BEND4: variants seen among roughly 807,000 people sequenced by gnomAD.
BEND4 encodes the protein BEN domain containing 4.
Under a neutral mutation model 54.7 loss-of-function variants are expected in BEND4, and 27 were observed. The ratio of observed to expected loss-of-function variants is 0.49; its 90% CI spans 0.36 to 0.68. The LOEUF is 0.68. Ranked by LOEUF, BEND4 falls within the 30% of genes least tolerant of loss-of-function variation. The pLI is 0.00. For missense variants in BEND4, 702 were observed against 697.2 expected (o/e 1.01, Z -0.08); for synonymous variants, 327 against 299.5 (o/e 1.09, Z -0.95).
chr4:42,122,494 A>G (rs1356759796), intron 4 of BEND4, among the ~76,000 whole-genome samples: 3 of 152,230 alleles, frequency 2.0e-5, no homozygotes, highest in African/African-American at 7.2e-5. Context: ...TGTGGCTGGC[A>G]CACAGCAGAC....
intron 3 of BEND4, among the ~76,000 whole-genome samples, chr4:42,142,454 T>C (rs1345984482): frequency 8.6e-6 from 1 of 115,616 alleles, no homozygotes; most frequent in Non-Finnish European, 1.6e-5. Context: ...ACCCTATCTC[T>C]ACTAAAAAAA....
At chr4:42,142,048 C>T (rs572361664) in intron 3 of BEND4, among the ~76,000 whole-genome samples, 55 of 151,748 alleles carry the variant, frequency 3.6e-4, no homozygotes, top group African/African-American at 1.2e-3. Context: ...GGACTACAGG[C>T]ACCTGCCACC....
At chr4:42,142,649 A>AG in intron 3 of BEND4, among the ~76,000 whole-genome samples, 1 of 151,526 alleles carries the variant, frequency 6.6e-6, no homozygotes, top group East Asian at 1.9e-4. Flanking sequence ...AAAAAAAAAA[A>AG]AAAAGTAAAA....
At chr4:42,133,387 T>C (rs948912494) in intron 3 of BEND4, among the ~76,000 whole-genome samples, 3 of 152,180 alleles carry the variant, frequency 2.0e-5, no homozygotes, top group Non-Finnish European at 4.4e-5. Flanking sequence ...CTTTAAGACA[T>C]TCTATGGTAA....
rs1206229869 is a variant in BEND4, at chr4:42,151,726, G to T, written c.418C>A (p.Pro140Thr). Residue 140 changes from proline (P) to threonine (T), a missense_variant, in exon 2 of 6, where the codon CCA becomes ACA. Pro to Thr is a conservative substitution (Grantham distance 38). Coordinates refer to ENST00000502486, the MANE Select transcript of BEND4 (RefSeq NM_207406.4). The part of the protein sequence containing the change: ...SSFAAVVRYG[P>T]GAAAAAGTGG... The stretch of plus-strand genomic sequence containing the variant: ...GTGCCGGCGGCCGCCGCCGCGCCTG[G>T]GCCATACCTGACGACAGCGGCGAAC... 2.0e-6 allele frequency: 3 copies of T among 1,505,580 alleles called. No individual in the cohort carries two copies. The Admixed American group carries it at 6.4e-5, about 32-fold the overall frequency. 93.3% of individuals were successfully genotyped at this position (1,505,580 alleles called of 1,614,324 possible).
At chr4:42,149,243 T>A (rs1172568881) in intron 2 of BEND4, among the ~76,000 whole-genome samples, 16 of 115,558 alleles carry the variant, frequency 1.4e-4, no homozygotes, top group Admixed American at 6.7e-4. Context: ...TGTGCACACA[T>A]GCTTATTGGT....
chr4:42,124,873 T>C (rs1207948536), intron 4 of BEND4, among the ~76,000 whole-genome samples: 3 of 149,730 alleles, frequency 2.0e-5, no homozygotes, highest in African/African-American at 7.4e-5. Context: ...CAGGATACTT[T>C]GGGAGCCTGG....
At position 42,117,534 on chromosome 4, in the gene BEND4, T is replaced by G. The variant is rs1243836971; in HGVS notation, c.1589A>C (p.Asp530Ala). 6.2e-7 allele frequency: 1 copy of G among 1,610,392 alleles called. No individual in the cohort carries two copies. The highest frequency in any genetic ancestry group is 8.5e-7 in the Non-Finnish European group (1 of 1,177,954). ...TTCTGTCCACTAATCCCCAGATCCA[T>G]CCTGGGAACTTTTATTGAAGACTTC... ...QDEVFNKSSQ[D>A]GSGD The change falls in exon 6 of 6, where the codon GAT becomes GCT. Residue 530 changes from aspartate to alanine, a missense_variant. Coordinates refer to ENST00000502486, the MANE Select transcript of BEND4 (RefSeq NM_207406.4).
Position 42,152,167 on chromosome 4 carries a change from C to G in BEND4, c.-24G>C, listed in dbSNP as rs1339769920. On this transcript the variant is annotated 5_prime_UTR_variant, in exon 2 of 6. Coordinates refer to ENST00000502486, the MANE Select transcript of BEND4 (RefSeq NM_207406.4). ...ATCCGGCGCCTCGGGGCCGGTCCCT[C>G]GGAGCACGTCCCCTCCCCGCCGGGC... 8.1e-7 allele frequency: 1 copy of G among 1,239,816 alleles called. No individual in the cohort carries two copies. The highest frequency in any genetic ancestry group is 1.6e-5 in the African/African-American group (1 of 63,952). The allele number at this position is 1,239,816 out of a possible 1,614,324, so 76.8% of individuals were successfully genotyped here.
At chr4:42,145,706 A>G (rs1461188837) in intron 2 of BEND4, among the ~76,000 whole-genome samples, 4 of 149,968 alleles carry the variant, frequency 2.7e-5, no homozygotes, top group Non-Finnish European at 5.9e-5. Flanking sequence ...AAAAAAAAAA[A>G]GAATATATAT....
chr4:42,151,776 G>A lies in BEND4; in HGVS notation c.368C>T (p.Ser123Phe), dbSNP rs1560587051. Residue 123 changes from serine (S) to phenylalanine (F), a missense_variant, in exon 2 of 6, where the codon TCC becomes TTC. Physicochemically the swap from Ser to Phe is radical, Grantham distance 155. Transcript: ENST00000502486. ...LRTPAQPPPA[S>F]PAASSSSSFA... is the part of the protein sequence containing the mutation. ...CGAAGACGACGAGGAGGCGGCGGGG[G>A]ACGCGGGCGGCGGCTGCGCCGGAGT... is the stretch of plus-strand genomic sequence containing the variant. 6.7e-7 allele frequency: 1 copy of A among 1,495,378 alleles called. No homozygotes were observed. The highest frequency in any genetic ancestry group is 8.9e-7 in the Non-Finnish European group (1 of 1,129,510). 92.6% of individuals were successfully genotyped at this position (1,495,378 alleles called of 1,614,324 possible).
intron 3 of BEND4, among the ~76,000 whole-genome samples, chr4:42,137,090 T>C (rs1404068991): frequency 6.6e-6 from 1 of 151,980 alleles, no homozygotes; most frequent in African/African-American, 2.4e-5. Context: ...AGATCTGGAG[T>C]CAGAGGCTTG....
chr4:42,137,734 A>G (rs1029398562), intron 3 of BEND4, among the ~76,000 whole-genome samples: 1 of 152,204 alleles, frequency 6.6e-6, no homozygotes, highest in African/African-American at 2.4e-5. Context: ...GTTAATATCT[A>G]AAGAACTCAT....
At chr4:42,133,608 A>G (rs1379091884) in intron 3 of BEND4, among the ~76,000 whole-genome samples, 1 of 152,232 alleles carries the variant, frequency 6.6e-6, no homozygotes, top group Non-Finnish European at 1.5e-5. Flanking sequence ...TAATCCCAGC[A>G]CTTTGGGATG....
At chr4:42,135,552 C>T (rs977292740) in intron 3 of BEND4, among the ~76,000 whole-genome samples, 4 of 152,044 alleles carry the variant, frequency 2.6e-5, no homozygotes, top group Non-Finnish European at 4.4e-5. Flanking sequence ...GCAGGCAGAT[C>T]ATGAGGTCAG....
At chr4:42,148,415 T>G (rs1401154337) in intron 2 of BEND4, among the ~76,000 whole-genome samples, 1 of 152,246 alleles carries the variant, frequency 6.6e-6, no homozygotes, top group African/African-American at 2.4e-5. Flanking sequence ...TTCATCCTGC[T>G]CAGTCAATCC....
chr4:42,114,295 G>T lies in BEND4; in HGVS notation c.*3223C>A, dbSNP rs1221857064. 6.6e-6 allele frequency: 1 copy of T among 152,216 alleles called. No individual in the cohort carries two copies. The highest frequency in any genetic ancestry group is 1.9e-4 in the East Asian group (1 of 5,198). 9.4% of individuals were successfully genotyped at this position (152,216 alleles called of 1,614,324 possible). A position where few individuals can be genotyped will look rare whatever the true frequency, so the allele number is the denominator to read the frequency against. The stretch of plus-strand genomic sequence containing the variant: ...TCAACTCACTGCGAAAAGCCGGCAT[G>T]ATCTTTGTAACAAGATTTTAATTTG... On this transcript the variant is annotated 3_prime_UTR_variant, in exon 6 of 6. Coordinates refer to ENST00000502486, the MANE Select transcript of BEND4 (RefSeq NM_207406.4).
intron 3 of BEND4, among the ~76,000 whole-genome samples, chr4:42,136,795 G>A (rs1469330064): frequency 6.6e-6 from 1 of 152,204 alleles, no homozygotes. Flanking sequence ...GAGAAAACAA[G>A]CATGTTAGAT....
At chr4:42,125,322 A>T (rs1720230163) in intron 4 of BEND4, among the ~76,000 whole-genome samples, 1 of 152,214 alleles carries the variant, frequency 6.6e-6, no homozygotes, top group Admixed American at 6.5e-5. Context: ...CTCTGTGCAA[A>T]CAGAATGGTG....
Sources: gnomAD v4.1 joint callset for allele counts (sites outside exome capture counted in the v4.1 genomes callset) on GRCh38, gnomAD v4.1.1 for gene constraint, MANE v1.5 for transcripts, NCBI Gene and HGNC (gene_info 2026-07-23, HGNC 2026-07-21) for gene names.